Variants in TRIM33 observed in about 807,000 individuals in gnomAD.
The protein encoded by TRIM33 is E3 ubiquitin-protein ligase TRIM33.
TRIM33 carries 20 observed loss-of-function variants against 125.4 expected under a neutral mutation model. The observed-to-expected ratio is 0.16, with a 90% CI of 0.11 to 0.23. The LOEUF (loss-of-function observed/expected upper bound fraction) is 0.23. Among genes scored for constraint, TRIM33 ranks in the 10% least tolerant of loss-of-function variants. The pLI is 1.00. For missense variants in TRIM33, 920 were observed against 1,411.4 expected, an observed-to-expected ratio of 0.65 and a Z score of 5.58; for synonymous variants, 564 against 513.9, an observed-to-expected ratio of 1.10 and a Z score of -1.32.
intron 1 of TRIM33, among the ~76,000 whole-genome samples, chr1:114,478,077 T>C (rs1428086806): frequency 6.6e-6 from 1 of 152,108 alleles, no homozygotes; most frequent in African/African-American, 2.4e-5. Context: ...AACAACGAAT[T>C]CAGACCACAG....
chr1:114,408,296 A>T (rs1250896085), intron 13 of TRIM33, among the ~76,000 whole-genome samples: 1 of 152,206 alleles, frequency 6.6e-6, no homozygotes, highest in Non-Finnish European at 1.5e-5. Context: ...CAAAGAAATC[A>T]TCTGGTTTTT....
At chr1:114,491,876 T>C (rs574570206) in intron 1 of TRIM33, among the ~76,000 whole-genome samples, 4 of 152,304 alleles carry the variant, frequency 2.6e-5, no homozygotes, top group South Asian at 4.1e-4. Context: ...CTGTAACTCA[T>C]ACATGAATGA....
intron 1 of TRIM33, among the ~76,000 whole-genome samples, chr1:114,479,051 A>G (rs964862715): frequency 1.3e-5 from 2 of 152,200 alleles, no homozygotes; most frequent in Non-Finnish European, 1.5e-5. Flanking sequence ...CTCTATCTCA[A>G]AAAACAAAAA....
chr1:114,417,531 T>C (rs1463443202), intron 11 of TRIM33, among the ~76,000 whole-genome samples: 1 of 152,174 alleles, frequency 6.6e-6, no homozygotes, highest in African/African-American at 2.4e-5. Context: ...AAGCTGTCAA[T>C]ACCATGTGTT....
intron 4 of TRIM33, among the ~76,000 whole-genome samples, chr1:114,448,814 T>C (rs1649146419): frequency 6.6e-6 from 1 of 152,108 alleles, no homozygotes; most frequent in Admixed American, 6.6e-5. Context: ...GTAACAGATG[T>C]GGCCACAGAG....
intron 1 of TRIM33, among the ~76,000 whole-genome samples, chr1:114,469,636 C>CA (rs1486115377): frequency 1.3e-5 from 2 of 151,846 alleles, no homozygotes; most frequent in African/African-American, 4.8e-5. Flanking sequence ...GGAATGATGG[C>CA]AAAAAAACAA....
rs1181449857 is a variant in TRIM33 at position 114,511,005 on chromosome 1, G to A, written c.72C>T (p.Ala24=). ...CCTGCGCGGCGGGCCCGGCGGCCCCGGCAGTTACCGGCGCGCTGCCGCTGC... is the reference window on the plus strand; with the variant it reads ...CCTGCGCGGCGGGCCCGGCGGCCCCAGCAGTTACCGGCGCGCTGCCGCTGC... ...GGGSGSAPVT[A]GAAGPAAQEA... The change falls in exon 1 of 20, where the codon GCC becomes GCT. Residue 24 remains alanine (A), a synonymous_variant. Transcript: ENST00000358465. The A allele has an allele frequency of 5.3e-6, 7 of 1,328,360 alleles. No homozygotes were observed. The highest frequency in any genetic ancestry group is 6.7e-6 in the Non-Finnish European group (7 of 1,040,934). 82.3% of individuals were successfully genotyped at this position (1,328,360 alleles called of 1,614,324 possible).
intron 4 of TRIM33, among the ~76,000 whole-genome samples, chr1:114,451,330 G>C (rs893729942): frequency 6.7e-6 from 1 of 148,352 alleles, no homozygotes; most frequent in African/African-American, 2.5e-5. Context: ...ATCCCATTAG[G>C]TCAAATATCA....
rs1356413366 is a variant in TRIM33 at position 114,410,308 on chromosome 1, A to G, written c.2070T>C (p.Asp690=). The change falls in exon 12 of 20, where the codon GAT becomes GAC. Residue 690 remains aspartate (D), a synonymous_variant. Coordinates refer to ENST00000358465, the MANE Select transcript of TRIM33 (RefSeq NM_015906.4). ...GATTATCTAAACTACTTGAGCCAGC[A>G]TCTTCCAACTGAAGAGAAAGAAGAT... ...LPDIPPIQLE[D]AGSSSLDNLL... 1.2e-6 allele frequency: 2 copies of G among 1,608,686 alleles called. No individual in the cohort carries two copies. Among genetic ancestry groups the G allele is most frequent in the East Asian group, 2.2e-5 (1 of 44,880 alleles).
intron 4 of TRIM33, among the ~76,000 whole-genome samples, chr1:114,459,411 CTG>C (rs1309589178): frequency 6.6e-6 from 1 of 152,176 alleles, no homozygotes; most frequent in Admixed American, 6.5e-5. Flanking sequence ...TGTGGAAACT[CTG>C]TACCCCTTCC....
Position 114,486,090 on chromosome 1 carries a change from C to T in TRIM33, c.527-21702G>A, listed in dbSNP as rs780264168. The stretch of plus-strand genomic sequence containing the variant: ...AGAAGTTCGAGACCAGCCTGGCCAA[C>T]ACGGTGAAACCCCCATCTCTACTAA... On this transcript the variant is annotated intron_variant, in intron 1 of 19. Transcript: ENST00000358465. Among the ~76,000 whole-genome samples the T allele has an allele frequency of 5.3e-4, 80 of 151,970 alleles. 1 individual carries two copies. The highest frequency in any genetic ancestry group is 1.9e-4 in the Non-Finnish European group (13 of 67,980).
At position 114,510,773 on chromosome 1, in the gene TRIM33, C is replaced by G; in HGVS notation, c.304G>C (p.Ala102Pro). 7 of 1,519,484 alleles carry G rather than the reference C, an allele frequency of 4.6e-6. No individual in the cohort carries two copies. The highest frequency in any genetic ancestry group is 6.1e-6 in the Non-Finnish European group (7 of 1,139,510). The allele number at this position is 1,519,484 out of a possible 1,614,324, so 94.1% of individuals were successfully genotyped here. A position where few individuals can be genotyped will look rare whatever the true frequency, so the allele number is the denominator to read the frequency against. The change falls in exon 1 of 20, where the codon GCC (alanine) becomes CCC (proline). Residue 102 changes from alanine (A) to proline (P), a missense_variant. Coordinates refer to ENST00000358465, the MANE Select transcript of TRIM33 (RefSeq NM_015906.4). ...GAVSTPAPAP[A>P]SAPAPGPSAG... ...GAGGGACCCGGAGCGGGAGCCGAGG[C>G]TGGAGCTGGAGCCGGCGTCGATACT...
At chr1:114,486,278 A>G (rs1651679498) in intron 1 of TRIM33, among the ~76,000 whole-genome samples, 1 of 152,094 alleles carries the variant, frequency 6.6e-6, no homozygotes, top group South Asian at 2.1e-4. Context: ...CTCATCTTAA[A>G]ACGGCAATAC....
intron 1 of TRIM33, among the ~76,000 whole-genome samples, chr1:114,481,704 T>C (rs1651370519): frequency 6.6e-6 from 1 of 151,610 alleles, no homozygotes; most frequent in Non-Finnish European, 1.5e-5. Context: ...TGTATATATA[T>C]ATTTTTTTAT....
intron 1 of TRIM33, among the ~76,000 whole-genome samples, chr1:114,464,834 T>C (rs1009087139): frequency 1.3e-5 from 2 of 152,002 alleles, no homozygotes; most frequent in Non-Finnish European, 2.9e-5. Context: ...ATAATAACAA[T>C]GGACGCAGGG....
intron 4 of TRIM33, among the ~76,000 whole-genome samples, chr1:114,447,974 C>A (rs1649090368): frequency 1.3e-5 from 2 of 152,106 alleles, no homozygotes; most frequent in Non-Finnish European, 2.9e-5. Flanking sequence ...ACCATAATTA[C>A]AAGCAATTCT....
intron 4 of TRIM33, among the ~76,000 whole-genome samples, chr1:114,442,125 A>AG (rs1448487936): frequency 6.6e-6 from 1 of 152,246 alleles, no homozygotes; most frequent in Non-Finnish European, 1.5e-5. Context: ...GCTATCACCT[A>AG]GCAAGGTACC....
intron 1 of TRIM33, among the ~76,000 whole-genome samples, chr1:114,503,310 A>T (rs899492222): frequency 6.6e-6 from 1 of 152,010 alleles, no homozygotes; most frequent in South Asian, 2.1e-4. Context: ...GCAAAACCCC[A>T]TCTCTACTAA....
Position 114,397,606 on chromosome 1 carries a change from C to CTTTTTTTTTTTTTTTTTTTTTTTTTTT in TRIM33, c.*41_*42insAAAAAAAAAAAAAAAAAAAAAAAAAAA. 1 of 289,434 alleles carries CTTTTTTTTTTTTTTTTTTTTTTTTTTT rather than the reference C, an allele frequency of 3.5e-6. No individual in the cohort carries two copies. Among genetic ancestry groups the CTTTTTTTTTTTTTTTTTTTTTTTTTTT allele is most frequent in the Non-Finnish European group, 5.1e-6 (1 of 197,992 alleles). The allele number at this position is 289,434 out of a possible 1,614,324, so 17.9% of individuals were successfully genotyped here. On this transcript the variant is annotated 3_prime_UTR_variant, in exon 20 of 20. Coordinates refer to ENST00000358465, the MANE Select transcript of TRIM33 (RefSeq NM_015906.4). The stretch of plus-strand genomic sequence containing the variant: ...TTTTTTGTGTTTTTTTTTTTTTTTT[C>CTTTTTTTTTTTTTTTTTTTTTTTTTTT]GTTTTTTTTTTTTTAAACAATTGAT...
Sources: allele counts gnomAD v4.1 joint callset (sites outside exome capture counted in the v4.1 genomes callset), GRCh38; gene constraint gnomAD v4.1.1; transcripts MANE v1.5; gene names NCBI Gene and HGNC (gene_info 2026-07-23, HGNC 2026-07-21).